BEND6: variants seen among roughly 807,000 people sequenced by gnomAD.
BEND6 encodes the protein BEN domain containing 6, also known as BEN domain-containing protein 6.
A neutral mutation model predicts 31.8 loss-of-function variants in BEND6; 24 were observed. That is an observed-to-expected ratio of 0.75 (90% CI 0.55 to 1.06). BEND6 has a LOEUF of 1.06. Among genes scored for constraint, BEND6 ranks in the 50% least tolerant of loss-of-function variants. The pLI, the probability that BEND6 is intolerant of heterozygous loss-of-function variation, is 0.00. For missense variants in BEND6, 294 were observed against 327.4 expected, an observed-to-expected ratio of 0.90 and a Z score of 0.79; for synonymous variants, 109 against 114.6, an observed-to-expected ratio of 0.95 and a Z score of 0.31.
Position 56,955,178 on chromosome 6 carries a change from C to G in BEND6, c.-383C>G, listed in dbSNP as rs905641038. The G allele has an allele frequency of 6.6e-6, 1 of 151,116 alleles. No individual in the cohort carries two copies. Among genetic ancestry groups the G allele is most frequent in the African/African-American group, 2.4e-5 (1 of 41,328 alleles). 9.4% of individuals were successfully genotyped at this position (151,116 alleles called of 1,614,324 possible). On this transcript the variant is annotated 5_prime_UTR_variant, in exon 1 of 7. Transcript: ENST00000370746. ...CGGCGGTTTCGGCGGCGTCCGCGGG[C>G]TGCACCCGGGCCTGAGAGCCCAGCG... is the stretch of plus-strand genomic sequence containing the variant.
At chr6:56,994,410 A>T (rs1280539489) in intron 3 of BEND6, among the ~76,000 whole-genome samples, 2 of 129,566 alleles carry the variant, frequency 1.5e-5, no homozygotes, top group Non-Finnish European at 1.6e-5. Flanking sequence ...GTGAGCCGAG[A>T]TCGTGCCCCT....
intron 1 of BEND6, among the ~76,000 whole-genome samples, chr6:56,968,599 T>C (rs1336597485): frequency 6.6e-6 from 1 of 152,036 alleles, no homozygotes; most frequent in African/African-American, 2.4e-5. Context: ...CACAGTGGTG[T>C]GAGCCACTGC....
chr6:56,981,691 T>G lies in BEND6; in HGVS notation c.-100-20T>G. On this transcript the variant is annotated intron_variant, in intron 1 of 6. Transcript: ENST00000370746. ...AGTTGTGAATATGTTATGTGTCATG[T>G]TTTTGTTTTTGTTTTTAAGGGAAAG... is the stretch of plus-strand genomic sequence containing the variant. 8.9e-7 allele frequency: 1 copy of G among 1,118,428 alleles called. No homozygotes were observed. The allele number at this position is 1,118,428 out of a possible 1,614,324, so 69.3% of individuals were successfully genotyped here.
At chr6:57,014,926 TTTA>T (rs978877226) in intron 3 of BEND6, among the ~76,000 whole-genome samples, 2 of 152,246 alleles carry the variant, frequency 1.3e-5, no homozygotes, top group Non-Finnish European at 2.9e-5. Flanking sequence ...TTTTAATTGC[TTTA>T]TTATTATTAA....
chr6:56,956,844 T>C (rs569361944), intron 1 of BEND6, among the ~76,000 whole-genome samples: 137 of 152,222 alleles, frequency 9.0e-4, no homozygotes, highest in Non-Finnish European at 1.5e-3. Context: ...CCTGAGAGTT[T>C]GCAATGTGTG....
At chr6:56,976,094 C>A in intron 1 of BEND6, 1 of 310,620 alleles carries the variant, frequency 3.2e-6, no homozygotes, top group Non-Finnish European at 6.5e-6. Context: ...TTCTCAGCCT[C>A]AAGCCCCACA....
At chr6:57,024,413 G>T (rs1827842192) in intron 6 of BEND6, among the ~76,000 whole-genome samples, 1 of 152,004 alleles carries the variant, frequency 6.6e-6, no homozygotes, top group Non-Finnish European at 1.5e-5. Flanking sequence ...AATTCTCTCA[G>T]CTTTTGTTTC....
At chr6:56,961,388 G>A (rs1196811403) in intron 1 of BEND6, among the ~76,000 whole-genome samples, 5 of 152,152 alleles carry the variant, frequency 3.3e-5, no homozygotes, top group African/African-American at 1.2e-4. Context: ...TTGTCCTCTA[G>A]CATCTTTAAA....
At chr6:56,996,052 C>A (rs149496406) in intron 3 of BEND6, among the ~76,000 whole-genome samples, 105 of 152,258 alleles carry the variant, frequency 6.9e-4, no homozygotes, top group African/African-American at 2.3e-3. Context: ...ATTGTCTCAT[C>A]CTCTAAATAT....
At chr6:57,018,926 C>A (rs565795277) in intron 6 of BEND6, among the ~76,000 whole-genome samples, 1 of 152,190 alleles carries the variant, frequency 6.6e-6, no homozygotes, top group African/African-American at 2.4e-5. Context: ...AGGAAGGACA[C>A]ATGACAATTT....
chr6:57,016,144 C>T (rs1428733738), intron 4 of BEND6, among the ~76,000 whole-genome samples: 1 of 152,106 alleles, frequency 6.6e-6, no homozygotes, highest in Non-Finnish European at 1.5e-5. Context: ...GCTGGCTGAA[C>T]ACAATTCTTT....
At chr6:56,971,295 A>G (rs990182032) in intron 1 of BEND6, among the ~76,000 whole-genome samples, 1 of 152,232 alleles carries the variant, frequency 6.6e-6, no homozygotes, top group African/African-American at 2.4e-5. Flanking sequence ...ATGTTATAGA[A>G]CATCAGAATT....
rs1454821993 is a variant in BEND6, at chr6:57,020,065, G to A, written c.*9+1508G>A. Among the ~76,000 whole-genome samples the A allele has an allele frequency of 3.3e-5, 5 of 152,134 alleles. No individual in the cohort carries two copies. The East Asian group carries it at 5.8e-4, about 18-fold the overall frequency. On this transcript the variant is annotated intron_variant, in intron 6 of 6. Coordinates refer to ENST00000370746, the MANE Select transcript of BEND6 (RefSeq NM_152731.3). ...GATGTTGCCAGTGCACTCCAGCCTG[G>A]GGGACAGAGTGAGACCTTGTTTCCA... is the stretch of plus-strand genomic sequence containing the variant.
intron 2 of BEND6, among the ~76,000 whole-genome samples, chr6:56,988,307 C>T (rs967188655): frequency 3.3e-5 from 5 of 152,088 alleles, no homozygotes; most frequent in South Asian, 2.1e-4. Flanking sequence ...TGAGCCACCA[C>T]GCCCAGCCGT....
chr6:57,024,709 G>A (rs900258549), intron 6 of BEND6, among the ~76,000 whole-genome samples: 2 of 152,052 alleles, frequency 1.3e-5, no homozygotes, highest in African/African-American at 4.8e-5. Context: ...GAATGTGTTT[G>A]GTGTTCTCTG....
At chr6:57,008,261 C>T (rs1481163941) in intron 3 of BEND6, 6 of 702,292 alleles carry the variant, frequency 8.5e-6, no homozygotes, top group South Asian at 4.5e-5. Flanking sequence ...ATCTCAGATA[C>T]GGGTCCTGGT....
chr6:56,982,529 A>G (rs951505043), intron 2 of BEND6, among the ~76,000 whole-genome samples: 3 of 152,008 alleles, frequency 2.0e-5, no homozygotes, highest in African/African-American at 4.8e-5. Flanking sequence ...TTCCCCTCCT[A>G]TACTTTGGAC....
intron 1 of BEND6, among the ~76,000 whole-genome samples, chr6:56,971,720 T>A (rs887631383): frequency 2.0e-5 from 3 of 152,230 alleles, no homozygotes. Flanking sequence ...TAATGATTAG[T>A]GATGCTGAGC....
chr6:57,017,402 G>T lies in BEND6; in HGVS notation c.712+3G>T. 7.5e-7 allele frequency: 1 copy of T among 1,341,692 alleles called. No homozygotes were observed. Among genetic ancestry groups the T allele is most frequent in the South Asian group, 2.5e-5 (1 of 39,604 alleles). The allele number at this position is 1,341,692 out of a possible 1,614,324, so 83.1% of individuals were successfully genotyped here. The stretch of plus-strand genomic sequence containing the variant: ...GAATGAAGTCCAAGAAATCATAGGT[G>T]ATAATATGATTGCGTTATATTGTCG... On this transcript the variant is annotated splice_donor_region_variant and intron_variant, in intron 5 of 6. Transcript: ENST00000370746.
Sources: gnomAD v4.1 joint callset for allele counts (sites outside exome capture counted in the v4.1 genomes callset) on GRCh38, gnomAD v4.1.1 for gene constraint, MANE v1.5 for transcripts, NCBI Gene and HGNC (gene_info 2026-07-23, HGNC 2026-07-21) for gene names.